SELP: variants seen among roughly 807,000 people sequenced by gnomAD.
The protein encoded by SELP is selectin P.
Under a neutral mutation model 104.1 loss-of-function variants are expected in SELP, and 92 were observed. That is an observed-to-expected ratio of 0.88 (90% confidence interval 0.75 to 1.05). The LOEUF is 1.05. SELP is among the 50% of genes least tolerant of loss of function. The pLI, the probability that SELP is intolerant of heterozygous loss-of-function variation, is 0.00. For missense variants in SELP, 1,022 were observed against 1,017.3 expected, an observed-to-expected ratio of 1.00 and a Z score of -0.06; for synonymous variants, 397 against 364.5, an observed-to-expected ratio of 1.09 and a Z score of -1.01.
intron 8 of SELP, 117 bp downstream of exon 8, chr1:169,609,387 C>T (rs754135309): frequency 3.2e-5 from 32 of 1,015,024 alleles, no homozygotes; most frequent in Non-Finnish European, 4.4e-5. Flanking sequence ...AAGGACATGG[C>T]CCATAGTAGG....
intron 9 of SELP, among the ~76,000 whole-genome samples, chr1:169,606,630 G>T (rs113646645): frequency 5.2e-4 from 79 of 152,008 alleles, no homozygotes; most frequent in Middle Eastern, 6.8e-3. Flanking sequence ...CAGATGCCAT[G>T]TTTGGCCAGG....
At chr1:169,603,301 C>CTGTGTGTGTGTGTG in intron 9 of SELP, 90 bp from the exon 10 acceptor site, 1 of 717,714 alleles carries the variant, frequency 1.4e-6, no homozygotes. Context: ...TTCTCCCTCT[C>CTGTGTGTGTGTGTG]TCTCTCTGTG....
At chr1:169,606,000 A>G (rs936567314) in intron 9 of SELP, among the ~76,000 whole-genome samples, 1 of 152,190 alleles carries the variant, frequency 6.6e-6, no homozygotes, top group Non-Finnish European at 1.5e-5. Context: ...TGCAATACTG[A>G]CAGAGCACAC....
chr1:169,591,093 A>G (rs977555221), intron 15 of SELP, among the ~76,000 whole-genome samples: 1 of 152,160 alleles, frequency 6.6e-6, no homozygotes, highest in African/African-American at 2.4e-5. Context: ...CACTAATACA[A>G]CATTCCCCCA....
intron 8 of SELP, among the ~76,000 whole-genome samples, 187 bp from the exon 9 acceptor site, chr1:169,607,321 C>G (rs752956646): frequency 1.3e-5 from 2 of 152,092 alleles, no homozygotes; most frequent in Non-Finnish European, 2.9e-5. Flanking sequence ...AATGCTAAAC[C>G]TTTGTTGAGC....
chr1:169,597,250 C>A, intron 10 of SELP, 74 bp from the exon 11 acceptor site: 1 of 1,310,524 alleles, frequency 7.6e-7, no homozygotes, highest in Non-Finnish European at 1.0e-6. Flanking sequence ...AGTTCATTCA[C>A]TTATATATTC....
At chr1:169,600,451 C>T (rs1024968347) in intron 10 of SELP, among the ~76,000 whole-genome samples, 2 of 152,168 alleles carry the variant, frequency 1.3e-5, no homozygotes, top group African/African-American at 4.8e-5. Context: ...CTGGTATCTG[C>T]AGGGAGTCCT....
Position 169,604,792 on chromosome 1 carries a change from C to G in SELP, c.1520-1581G>C, listed in dbSNP as rs149464043. On this transcript the variant is annotated intron_variant, in intron 9 of 16. Transcript: ENST00000263686. ...GGTGTGGGTGAGGATGTTGGTACCA[C>G]AGAACCCATTTCCAGCTCTTCTGTG... 7.6e-3 allele frequency among the ~76,000 whole-genome samples: 1,160 copies of G among 152,184 alleles called. 17 individuals carry two copies. The highest frequency in any genetic ancestry group is 0.026 in the African/African-American group (1,095 of 41,502).
chr1:169,612,415 A>G lies in SELP; in HGVS notation c.776-13T>C, dbSNP rs1470483588. 6.2e-6 allele frequency: 10 copies of G among 1,613,656 alleles called. 1 individual carries two copies. The African/African-American group carries it at 6.7e-5, about 11-fold the overall frequency. On this transcript the variant is annotated splice_polypyrimidine_tract_variant and intron_variant, in intron 5 of 16. Coordinates refer to ENST00000263686, the MANE Select transcript of SELP (RefSeq NM_003005.4). Reference sequence around the variant, plus strand: ...GGGCACTGGGCAGCTAAAACCAACCACAGAATAATAGTGTGAGTCCTTGGA... The same window carrying G: ...GGGCACTGGGCAGCTAAAACCAACCGCAGAATAATAGTGTGAGTCCTTGGA...
Position 169,619,225 on chromosome 1 carries a change from A to G in SELP, c.4-6T>C. 6.2e-7 allele frequency: 1 copy of G among 1,612,076 alleles called. No individual in the cohort carries two copies. The highest frequency in any genetic ancestry group is 2.2e-5 in the East Asian group (1 of 44,846). On this transcript the variant is annotated splice_polypyrimidine_tract_variant and splice_region_variant and intron_variant, in intron 1 of 16. Coordinates refer to ENST00000263686, the MANE Select transcript of SELP (RefSeq NM_003005.4). ...ATGGCTATTTGGCAGTTGGCCTGAA[A>G]CAAGAAGAGAAAACTTTCTTTTAGT...
At chr1:169,591,645 C>T (rs928150853) in intron 14 of SELP, 189 bp from the exon 15 acceptor site, 8 of 424,780 alleles carry the variant, frequency 1.9e-5, no homozygotes, top group African/African-American at 4.2e-5. Flanking sequence ...ATTAAACATT[C>T]GACAATATTT....
At position 169,593,677 on chromosome 1, in the gene SELP, C is replaced by T. The variant is rs377161237; in HGVS notation, c.2335G>A (p.Val779Met). ...ATTATCAGACCTATCGTAGAAGCCA[C>T]CGCTCCACCAAAGTAAGTCAGGGCT... ...QEALTYFGGA[V>M]ASTIGLIMGG... Residue 779 changes from valine to methionine, a missense_variant, in exon 14 of 17, where the codon GTG becomes ATG. Physicochemically the swap from Val to Met is conservative, Grantham distance 21 (BLOSUM62 1). Transcript: ENST00000263686. The T allele has an allele frequency of 1.5e-4, 246 of 1,613,498 alleles. 3 individuals are homozygous for T. The South Asian group carries it at 2.4e-3, about 16-fold the overall frequency.
In SELP at chr1:169,611,545, A is replaced by G. The variant is rs935194952; in HGVS notation, c.1094T>C (p.Met365Thr). Residue 365 changes from methionine to threonine, a missense_variant, in exon 7 of 17, where the codon ATG (methionine) becomes ACG (threonine). Transcript: ENST00000263686. ...QPGYRVRGLD[M>T]LRCIDSGHWS... ...GTGTCCAGAGTCAATGCAGCGGAGCATGTCCAAGCCCCTCACTCTGTAGCC... is the reference window on the plus strand; with the variant it reads ...GTGTCCAGAGTCAATGCAGCGGAGCGTGTCCAAGCCCCTCACTCTGTAGCC... The G allele has an allele frequency of 3.1e-6, 5 of 1,614,000 alleles. No individual in the cohort carries two copies. In the Admixed American group the frequency reaches 5.0e-5, roughly 16 times the overall value.
At chr1:169,621,334 G>A (rs1156578392) in intron 1 of SELP, among the ~76,000 whole-genome samples, 1 of 147,804 alleles carries the variant, frequency 6.8e-6, no homozygotes, top group African/African-American at 2.5e-5. Flanking sequence ...CCTGGTGATG[G>A]ATGATGTAGG....
Position 169,603,080 on chromosome 1 carries a change from T to G in SELP, c.1651A>C (p.Arg551=). The G allele has an allele frequency of 6.2e-7, 1 of 1,614,096 alleles. No individual in the cohort carries two copies. Among genetic ancestry groups the G allele is most frequent in the Non-Finnish European group, 8.5e-7 (1 of 1,180,000 alleles). The change falls in exon 10 of 17, where the codon AGA becomes CGA. Residue 551 remains arginine (R), a synonymous_variant. Coordinates refer to ENST00000263686, the MANE Select transcript of SELP (RefSeq NM_003005.4). ...DEGYSLSGPE[R]LDCTRSGRWT... ...CGTCCCGATCGAGTACAATCCAATCTTTCTGGTCCAGACAAAGAATATCCC... is the reference window on the plus strand; with the variant it reads ...CGTCCCGATCGAGTACAATCCAATCGTTCTGGTCCAGACAAAGAATATCCC...
At chr1:169,620,949 C>CTGTGTGTGAGTGTGTG (rs1663081630) in intron 1 of SELP, among the ~76,000 whole-genome samples, 1 of 76,954 alleles carries the variant, frequency 1.3e-5, no homozygotes, top group South Asian at 5.8e-4. Context: ...GTGTGGGGTT[C>CTGTGTGTGAGTGTGTG]TGTGTGTGTG....
chr1:169,613,624 G>A lies in SELP; in HGVS notation c.551C>T (p.Ser184Phe), dbSNP rs377298947. The change falls in exon 4 of 17, where the codon TCC (serine) becomes TTC (phenylalanine). Residue 184 changes from serine to phenylalanine, a missense_variant. Coordinates refer to ENST00000263686, the MANE Select transcript of SELP (RefSeq NM_003005.4). The stretch of plus-strand genomic sequence containing the variant: ...TGGCCCATAGAATCCAGGGTAACAG[G>A]AGCAGGTGTAGTTCCCGATGGTCTC... ...CLETIGNYTC[S>F]CYPGFYGPEC... The A allele has an allele frequency of 3.9e-5, 63 of 1,614,012 alleles. No homozygotes were observed. The highest frequency in any genetic ancestry group is 5.0e-5 in the Non-Finnish European group (59 of 1,179,904).
intron 7 of SELP, among the ~76,000 whole-genome samples, chr1:169,611,231 G>A (rs547945137): frequency 6.6e-6 from 1 of 152,272 alleles, no homozygotes; most frequent in East Asian, 1.9e-4. Context: ...CCTCGGATAT[G>A]TCAGTAGAGC....
chr1:169,630,113 A>G lies in SELP; in HGVS notation c.-39T>C, dbSNP rs780870573. The G allele has an allele frequency of 5.6e-6, 9 of 1,614,084 alleles. No homozygotes were observed. The Admixed American group carries it at 1.3e-4, about 24-fold the overall frequency. On this transcript the variant is annotated 5_prime_UTR_variant, in exon 1 of 17. Transcript: ENST00000263686. ...CTGCTGGTTTTCTGCCTTCTGCCCAACCCAGACTGCTTACAGTCTCACTGC... is the reference window on the plus strand; with the variant it reads ...CTGCTGGTTTTCTGCCTTCTGCCCAGCCCAGACTGCTTACAGTCTCACTGC...
Sources: allele counts gnomAD v4.1 joint callset (sites outside exome capture counted in the v4.1 genomes callset), GRCh38; gene constraint gnomAD v4.1.1; transcripts MANE v1.5; gene names NCBI Gene and HGNC (gene_info 2026-07-23, HGNC 2026-07-21).